Variants in ZNF367 observed in about 807,000 individuals in gnomAD.
The protein encoded by ZNF367 is C2H2 zinc finger protein ZFF29.
Under a neutral mutation model 31.8 loss-of-function variants are expected in ZNF367, and 11 were observed. The observed-to-expected ratio is 0.35, with a 90% confidence interval of 0.22 to 0.57. The LOEUF is 0.57. Ranked by LOEUF, ZNF367 falls within the 20% of genes least tolerant of loss-of-function variation. ZNF367 has a pLI of 0.85. For synonymous variants in ZNF367, 199 were observed against 202.4 expected, an observed-to-expected ratio of 0.98 and a Z score of 0.14; for missense variants, 353 against 484.1, an observed-to-expected ratio of 0.73 and a Z score of 2.54.
At chr9:96,392,261 T>A (rs756608783) in intron 4 of ZNF367, 137 bp downstream of exon 4, 1 of 1,318,854 alleles carries the variant, frequency 7.6e-7, no homozygotes, top group East Asian at 2.4e-5. Context: ...TTATAGAAAA[T>A]CAGGGGTCAT....
At position 96,407,408 on chromosome 9, in the gene ZNF367, T is replaced by C. The variant is rs573102103; in HGVS notation, c.421-9094A>G. The stretch of plus-strand genomic sequence containing the variant: ...GAACGTTCAAAGAAGGCAAAGAAAA[T>C]GATTGGTCTGAAGGCTAAGCTTTAA... On this transcript the variant is annotated intron_variant, in intron 1 of 4. Transcript: ENST00000375256. 587 of 1,463,922 alleles carry C rather than the reference T, an allele frequency of 4.0e-4. 8 individuals are homozygous for C. In the South Asian group the frequency reaches 6.4e-3, roughly 16 times the overall value. 90.7% of individuals were successfully genotyped at this position (1,463,922 alleles called of 1,614,324 possible).
chr9:96,386,451 A>C lies in ZNF367; in HGVS notation c.*1786T>G, dbSNP rs531959754. The stretch of plus-strand genomic sequence containing the variant: ...ATTAAATCACATATTTGAGAGCAAA[A>C]ATTCTAGAGGAAATGCTGAAACATA... On this transcript the variant is annotated 3_prime_UTR_variant, in exon 5 of 5. Transcript: ENST00000375256. The C allele has an allele frequency of 6.6e-6, 1 of 152,262 alleles. No individual in the cohort carries two copies. The highest frequency in any genetic ancestry group is 2.1e-4 in the South Asian group (1 of 4,820). The allele number at this position is 152,262 out of a possible 1,614,324, so 9.4% of individuals were successfully genotyped here.
chr9:96,410,691 T>C (rs1164163807), intron 1 of ZNF367, among the ~76,000 whole-genome samples: 2 of 143,364 alleles, frequency 1.4e-5, no homozygotes, highest in African/African-American at 5.2e-5. Flanking sequence ...CTGGCCAACA[T>C]GGTGAAACCC....
At chr9:96,397,590 C>T (rs1271256109) in intron 2 of ZNF367, among the ~76,000 whole-genome samples, 1 of 151,966 alleles carries the variant, frequency 6.6e-6, no homozygotes, top group Admixed American at 6.6e-5. Flanking sequence ...CTAAATTTGC[C>T]AATAACATGA....
At chr9:96,401,329 C>T (rs1358885568) in intron 1 of ZNF367, among the ~76,000 whole-genome samples, 2 of 152,000 alleles carry the variant, frequency 1.3e-5, no homozygotes, top group Non-Finnish European at 2.9e-5. Flanking sequence ...AGCTCGAGAC[C>T]GGCCTGACCA....
chr9:96,411,045 A>C (rs1157449243), intron 1 of ZNF367, among the ~76,000 whole-genome samples: 1 of 151,974 alleles, frequency 6.6e-6, no homozygotes, highest in Admixed American at 6.6e-5. Context: ...AAAAAAAAAA[A>C]AAACATAGCC....
rs1238460744 is a variant in ZNF367 at position 96,405,333 on chromosome 9, A to G, written c.421-7019T>C. Among the ~76,000 whole-genome samples the G allele has an allele frequency of 3.3e-5, 5 of 152,040 alleles. No individual in the cohort carries two copies. In the East Asian group the frequency reaches 7.7e-4, roughly 23 times the overall value. ...CTGTCTCAAAAAAAAAAAAAAAAAA[A>G]AAAATCCTCAAAATTATTCATCATT... On this transcript the variant is annotated intron_variant, in intron 1 of 4. Coordinates refer to ENST00000375256, the MANE Select transcript of ZNF367 (RefSeq NM_153695.4).
chr9:96,410,561 C>CA (rs35609930), intron 1 of ZNF367, among the ~76,000 whole-genome samples: 6,001 of 69,318 alleles, frequency 0.087, 345 homozygotes, highest in South Asian at 0.31. Context: ...GACTCCGTCT[C>CA]AAAAAAAAAA....
intron 1 of ZNF367, among the ~76,000 whole-genome samples, chr9:96,416,731 A>T (rs902692412): frequency 6.6e-6 from 1 of 152,210 alleles, no homozygotes; most frequent in African/African-American, 2.4e-5. Context: ...ATATTTTTTG[A>T]GCACCTTTAT....
chr9:96,414,691 T>C (rs1831795059), intron 1 of ZNF367, among the ~76,000 whole-genome samples: 1 of 152,212 alleles, frequency 6.6e-6, no homozygotes, highest in South Asian at 2.1e-4. Flanking sequence ...TTGGCCAGGA[T>C]GGTCTCGATC....
At position 96,404,182 on chromosome 9, in the gene ZNF367, C is replaced by T. The variant is rs1157801309; in HGVS notation, c.421-5868G>A. Among the ~76,000 whole-genome samples the T allele has an allele frequency of 4.0e-5, 6 of 149,854 alleles. No homozygotes were observed. The South Asian group carries it at 8.5e-4, about 21-fold the overall frequency. ...TGTCTCAAAAAAACAAAAACAAGGC[C>T]GGGCGCGGTGGCTCACGCCTGTAAT... On this transcript the variant is annotated intron_variant, in intron 1 of 4. Transcript: ENST00000375256.
At chr9:96,396,754 AC>A (rs1831536016) in intron 2 of ZNF367, among the ~76,000 whole-genome samples, 1 of 150,752 alleles carries the variant, frequency 6.6e-6, no homozygotes, top group Non-Finnish European at 1.5e-5. Flanking sequence ...CGCAACCTCC[AC>A]CTCCCGGGTT....
At chr9:96,402,406 G>A (rs565511143) in intron 1 of ZNF367, among the ~76,000 whole-genome samples, 1 of 150,750 alleles carries the variant, frequency 6.6e-6, no homozygotes, top group East Asian at 1.9e-4. Flanking sequence ...AAAAACAGCT[G>A]GAGTCTTCGA....
chr9:96,404,561 C>T (rs963556858), intron 1 of ZNF367, among the ~76,000 whole-genome samples: 14 of 151,478 alleles, frequency 9.2e-5, no homozygotes, highest in Admixed American at 5.9e-4. Flanking sequence ...CCACTGCACT[C>T]CAGCCTGGGC....
At chr9:96,390,181 C>T (rs1028487272) in intron 4 of ZNF367, among the ~76,000 whole-genome samples, 6 of 151,488 alleles carry the variant, frequency 4.0e-5, no homozygotes, top group South Asian at 4.2e-4. Context: ...GGATTACAGG[C>T]GTGAGCCACC....
At chr9:96,412,702 T>C (rs1048128432) in intron 1 of ZNF367, among the ~76,000 whole-genome samples, 1 of 150,360 alleles carries the variant, frequency 6.7e-6, no homozygotes, top group Non-Finnish European at 1.5e-5. Context: ...CTTTTCTTTT[T>C]TTTTTTTTTT....
intron 1 of ZNF367, among the ~76,000 whole-genome samples, chr9:96,406,215 A>G (rs1831669687): frequency 6.6e-6 from 1 of 152,216 alleles, no homozygotes; most frequent in South Asian, 2.1e-4. Context: ...AAAATCATAA[A>G]AGGATCATAT....
chr9:96,388,282 C>T lies in ZNF367; in HGVS notation c.1008G>A (p.Ala336=), dbSNP rs775436775. 22 of 1,612,004 alleles carry T rather than the reference C, an allele frequency of 1.4e-5. No homozygotes were observed. The highest frequency in any genetic ancestry group is 1.7e-5 in the Non-Finnish European group (20 of 1,180,020). Reference sequence around the variant, plus strand: ...CAGTCAGGTTGGCAAGCTCTATGAGCGCGAGGGCTCCATGCAGGCGCTCCC... The same window carrying T: ...CAGTCAGGTTGGCAAGCTCTATGAGTGCGAGGGCTCCATGCAGGCGCTCCC... ...EQRERLHGAL[A]LIELANLTGA... The change falls in exon 5 of 5, where the codon GCG becomes GCA. Residue 336 remains alanine, a synonymous_variant. Coordinates refer to ENST00000375256, the MANE Select transcript of ZNF367 (RefSeq NM_153695.4).
At chr9:96,400,436 G>T (rs550978314) in intron 1 of ZNF367, among the ~76,000 whole-genome samples, 1 of 144,156 alleles carries the variant, frequency 6.9e-6, no homozygotes, top group African/African-American at 2.5e-5. Flanking sequence ...GAAAAAGAAT[G>T]ACAAGAAACC....
Sources: allele counts gnomAD v4.1 joint callset (sites outside exome capture counted in the v4.1 genomes callset), GRCh38; gene constraint gnomAD v4.1.1; transcripts MANE v1.5; gene names NCBI Gene and HGNC (gene_info 2026-07-23, HGNC 2026-07-21).